Variants in OASL observed in about 807,000 individuals in gnomAD.
OASL encodes 2'-5'-oligoadenylate synthase-like protein.
Under a neutral mutation model 35.3 loss-of-function variants are expected in OASL, and 28 were observed. That is an observed-to-expected ratio of 0.79 (90% CI 0.59 to 1.09). OASL has a LOEUF of 1.09. Ranked by LOEUF, OASL falls within the 50% of genes least tolerant of loss-of-function variation. The probability of loss-of-function intolerance (pLI) is 0.00; values close to 1 mark genes in which losing one functional copy is unlikely to be tolerated. For missense variants in OASL, 620 were observed against 635.2 expected, an observed-to-expected ratio of 0.98 and a Z score of 0.26; for synonymous variants, 252 against 254.6, an observed-to-expected ratio of 0.99 and a Z score of 0.10.
chr12:121,025,754 T>A (rs1869455115), intron 4 of OASL, among the ~76,000 whole-genome samples: 1 of 128,740 alleles, frequency 7.8e-6, no homozygotes. Flanking sequence ...AGAGCAAGAC[T>A]CCATTAAAAA....
At chr12:121,021,448 C>G (rs890667755) in intron 5 of OASL, among the ~76,000 whole-genome samples, 3 of 152,202 alleles carry the variant, frequency 2.0e-5, no homozygotes, top group African/African-American at 7.2e-5. Context: ...CCTGAGAGCC[C>G]CAGGTGGCTG....
exon 1 of OASL, chr12:121,039,236 C>T: frequency 2.0e-6 from 1 of 506,072 alleles, no homozygotes; most frequent in Non-Finnish European, 3.6e-6. Flanking sequence ...GGCTGGCCGT[C>T]TAGTCAATCT....
At chr12:121,033,374 G>A (rs1869819029) in intron 2 of OASL, 87 bp downstream of exon 2, 7 of 1,328,044 alleles carry the variant, frequency 5.3e-6, no homozygotes, top group Non-Finnish European at 7.4e-6. Flanking sequence ...GTGGGTGTGT[G>A]CACGTGGCCA....
chr12:121,036,510 G>A (rs1320907985), intron 1 of OASL, among the ~76,000 whole-genome samples: 2 of 152,168 alleles, frequency 1.3e-5, no homozygotes, highest in South Asian at 2.1e-4. Context: ...TTGGCCGGGC[G>A]TGGTGGTTCA....
chr12:121,033,599 T>C (rs1869833726), exon 2 of OASL: 1 of 1,614,188 alleles, frequency 6.2e-7, no homozygotes, highest in Non-Finnish European at 8.5e-7. Flanking sequence ...AGGTCCTGGC[T>C]TTGCCACATG....
intron 4 of OASL, among the ~76,000 whole-genome samples, chr12:121,025,409 T>A (rs1300771872): frequency 6.6e-6 from 1 of 152,200 alleles, no homozygotes; most frequent in East Asian, 1.9e-4. Flanking sequence ...TAAAGAATAT[T>A]GGCTTGAAGG....
Position 121,028,724 on chromosome 12 carries a change from T to C in OASL, c.658-907A>G, listed in dbSNP as rs1869601528. 2.0e-5 allele frequency among the ~76,000 whole-genome samples: 3 copies of C among 151,810 alleles called. No individual in the cohort carries two copies. In the South Asian group the frequency reaches 6.2e-4, roughly 32 times the overall value. On this transcript the variant is annotated intron_variant, in intron 3 of 5. Coordinates refer to ENST00000257570, the Ensembl canonical transcript of OASL. ...GTTGGTTTTTGTGTTTTTCTCTTAC[T>C]TGCAAAAGGAAGCATCTTAACTGAC... is the stretch of plus-strand genomic sequence containing the variant.
At chr12:121,038,893 G>T in exon 1 of OASL, 1 of 1,614,106 alleles carries the variant, frequency 6.2e-7, no homozygotes, top group South Asian at 1.1e-5. Flanking sequence ...TTCCACTCCC[G>T]GTGGGGCTGC....
chr12:121,025,193 G>A (rs1005196811), intron 4 of OASL, among the ~76,000 whole-genome samples: 1 of 151,732 alleles, frequency 6.6e-6, no homozygotes, highest in Non-Finnish European at 1.5e-5. Flanking sequence ...GGCCAGGCTG[G>A]TCTTGAACTC....
chr12:121,027,630 G>A, exon 4 of OASL: 1 of 1,614,174 alleles, frequency 6.2e-7, no homozygotes, highest in South Asian at 1.1e-5. Flanking sequence ...ATTGTGGAGT[G>A]TGTAGTACTT....
chr12:121,037,010 C>T (rs1363067308), intron 1 of OASL, among the ~76,000 whole-genome samples: 3 of 152,100 alleles, frequency 2.0e-5, no homozygotes, highest in African/African-American at 7.2e-5. Flanking sequence ...TGTCTAATAT[C>T]AAAATTTGTG....
chr12:121,036,009 C>T (rs780906891), intron 1 of OASL, among the ~76,000 whole-genome samples: 10 of 152,144 alleles, frequency 6.6e-5, no homozygotes, highest in Non-Finnish European at 4.4e-5. Context: ...AGGCATGCAC[C>T]GCCATGCCCA....
exon 1 of OASL, chr12:121,038,839 T>C: frequency 6.2e-7 from 1 of 1,614,062 alleles, no homozygotes; most frequent in African/African-American, 1.3e-5. Context: ...TGCTCCTGCC[T>C]CAGAAACTCC....
At chr12:121,034,684 G>C (rs1869880576) in intron 1 of OASL, among the ~76,000 whole-genome samples, 1 of 152,044 alleles carries the variant, frequency 6.6e-6, no homozygotes, top group South Asian at 2.1e-4. Context: ...TTCTTAGCTG[G>C]GTAAACATTC....
intron 1 of OASL, among the ~76,000 whole-genome samples, chr12:121,035,115 C>T (rs1305678734): frequency 6.6e-6 from 1 of 152,036 alleles, no homozygotes; most frequent in Non-Finnish European, 1.5e-5. Context: ...AATCAGATTC[C>T]AGCTGTTGCC....
At chr12:121,023,850 C>T in intron 5 of OASL, 140 bp downstream of exon 5, 3 of 952,450 alleles carry the variant, frequency 3.1e-6, no homozygotes, top group Non-Finnish European at 4.6e-6. Context: ...TCACGGAGCC[C>T]ATGGGTGGTG....
chr12:121,038,374 C>T (rs1870038223), intron 1 of OASL, among the ~76,000 whole-genome samples: 1 of 152,180 alleles, frequency 6.6e-6, no homozygotes, highest in Admixed American at 6.5e-5. Flanking sequence ...TATGTACTAT[C>T]TGATATCTAG....
At chr12:121,032,915 T>C (rs1434199339) in intron 2 of OASL, among the ~76,000 whole-genome samples, 1 of 150,044 alleles carries the variant, frequency 6.7e-6, no homozygotes, top group Admixed American at 6.6e-5. Flanking sequence ...TCATGTTTTT[T>C]TGTTTGTTTT....
In OASL at chr12:121,028,793, A is replaced by G. The variant is rs1450920606; in HGVS notation, c.658-976T>C. ...TAAGAATCTCACTGAGGCCGGGCGC[A>G]GTGCCTCCCGCCCGTAATCCCAGCA... On this transcript the variant is annotated intron_variant, in intron 3 of 5. Coordinates refer to ENST00000257570, the Ensembl canonical transcript of OASL. Among the ~76,000 whole-genome samples the G allele has an allele frequency of 3.3e-5, 5 of 152,244 alleles. No homozygotes were observed. The East Asian group carries it at 9.7e-4, about 29-fold the overall frequency.
Sources: gnomAD v4.1 joint callset for allele counts (sites outside exome capture counted in the v4.1 genomes callset) on GRCh38, gnomAD v4.1.1 for gene constraint, MANE v1.5 for transcripts, NCBI Gene and HGNC (gene_info 2026-07-23, HGNC 2026-07-21) for gene names.